SMARCAL1: variants seen among roughly 807,000 people sequenced by gnomAD.
SMARCAL1 encodes the protein ATP-driven annealing helicase.
Under a neutral mutation model 94.5 loss-of-function variants are expected in SMARCAL1, and 58 were observed. The ratio of observed to expected loss-of-function variants is 0.61; its 90% confidence interval spans 0.50 to 0.76. The LOEUF is 0.76. SMARCAL1 is among the 30% of genes least tolerant of loss of function. The pLI is 0.00. For synonymous variants in SMARCAL1, 422 were observed against 455.1 expected (o/e 0.93, Z 0.93); for missense variants, 1,051 against 1,177.9 (o/e 0.89, Z 1.58).
intron 9 of SMARCAL1, among the ~76,000 whole-genome samples, chr2:216,438,158 C>T (rs1262032048): frequency 1.3e-5 from 2 of 152,136 alleles, no homozygotes; most frequent in Admixed American, 6.5e-5. Context: ...CTGAGGTGGG[C>T]GGAGCAGGGA....
chr2:216,458,546 A>G (rs1184171876), intron 12 of SMARCAL1, among the ~76,000 whole-genome samples: 2 of 152,198 alleles, frequency 1.3e-5, no homozygotes, highest in Non-Finnish European at 2.9e-5. Context: ...ATCAATAAAC[A>G]TAATCCAGCA....
In SMARCAL1 at chr2:216,420,299, T is replaced by C; in HGVS notation, c.863T>C (p.Met288Thr). ...NFSMNDYSAL[M>T]KAAQSLPTVN... Reference sequence around the variant, plus strand: ...CTGTTCGATTCTTCTTCTTTGGCAGTGAAAGCAGCCCAGAGCCTCCCCACG... The same window carrying C: ...CTGTTCGATTCTTCTTCTTTGGCAGCGAAAGCAGCCCAGAGCCTCCCCACG... The change falls in exon 5 of 18, where the codon ATG (methionine) becomes ACG (threonine). Residue 288 changes from methionine (M) to threonine (T), a missense_variant and splice_region_variant. Physicochemically the swap from Met to Thr is moderately conservative, Grantham distance 81. Coordinates refer to ENST00000357276, the MANE Select transcript of SMARCAL1 (RefSeq NM_014140.4). The C allele has an allele frequency of 6.2e-7, 1 of 1,613,276 alleles. No homozygotes were observed. Among genetic ancestry groups the C allele is most frequent in the Non-Finnish European group, 8.5e-7 (1 of 1,179,388 alleles).
rs967594562 is a variant in SMARCAL1 at position 216,475,092 on chromosome 2, G to T, written c.2245-177G>T. On this transcript the variant is annotated intron_variant, in intron 14 of 17. Coordinates refer to ENST00000357276, the MANE Select transcript of SMARCAL1 (RefSeq NM_014140.4). This position sits in a 1 kb window ranked among gnomAD's most constrained non-coding sequence, Gnocchi z 4.4. The stretch of plus-strand genomic sequence containing the variant: ...GGGATCTCTATTATTTCTTACAATG[G>T]CACCTGAGTATAAGCAGTCATCTCA... 6.6e-6 allele frequency among the ~76,000 whole-genome samples: 1 copy of T among 152,224 alleles called. No individual in the cohort carries two copies. The highest frequency in any genetic ancestry group is 1.5e-5 in the Non-Finnish European group (1 of 68,032).
chr2:216,461,915 C>T (rs933015142), intron 12 of SMARCAL1, among the ~76,000 whole-genome samples: 2 of 151,968 alleles, frequency 1.3e-5, no homozygotes, highest in Admixed American at 1.3e-4. Context: ...TTTTGTTGGG[C>T]CTTTAAGTTA....
At chr2:216,457,019 C>CA (rs1326920894) in intron 12 of SMARCAL1, among the ~76,000 whole-genome samples, 1 of 151,812 alleles carries the variant, frequency 6.6e-6, no homozygotes, top group African/African-American at 2.4e-5. Context: ...AAATAGAAAA[C>CA]AAAAAAAGGC....
intron 9 of SMARCAL1, 58 bp downstream of exon 9, chr2:216,435,554 A>C: frequency 6.8e-7 from 1 of 1,465,690 alleles, no homozygotes; most frequent in Non-Finnish European, 9.5e-7. Context: ...TTCTTTGTAA[A>C]AGCTCTGAGA....
rs911296401 is a variant in SMARCAL1 at position 216,423,620 on chromosome 2, C to A, written c.1097-13C>A. ...GGGTGTCCTATTTGCTTATTTATTT[C>A]TTGTCATTGCAGATGTCAAGACCAG... On this transcript the variant is annotated splice_polypyrimidine_tract_variant and intron_variant, in intron 5 of 17. Coordinates refer to ENST00000357276, the MANE Select transcript of SMARCAL1 (RefSeq NM_014140.4). The A allele has an allele frequency of 1.2e-6, 2 of 1,611,994 alleles. No individual in the cohort carries two copies. Among genetic ancestry groups the A allele is most frequent in the Admixed American group, 1.7e-5 (1 of 60,028 alleles).
rs1185258179 is a variant in SMARCAL1 at position 216,414,698 on chromosome 2, T to C, written c.-7T>C. 6.2e-7 allele frequency: 1 copy of C among 1,613,368 alleles called. No individual in the cohort carries two copies. Among genetic ancestry groups the C allele is most frequent in the Non-Finnish European group, 8.5e-7 (1 of 1,179,404 alleles). On this transcript the variant is annotated 5_prime_UTR_variant, in exon 3 of 18. Transcript: ENST00000357276. ...TGACATTCCTGCATAAGCATTTCTC[T>C]GTGAAAATGTCCTTGCCTCTTACAG...
In SMARCAL1 at chr2:216,478,199, A is replaced by T; in HGVS notation, c.2529-4A>T. 6.2e-7 allele frequency: 1 copy of T among 1,613,838 alleles called. No individual in the cohort carries two copies. Among genetic ancestry groups the T allele is most frequent in the Non-Finnish European group, 8.5e-7 (1 of 1,179,698 alleles). ...ATTCACTGCAGCTCATTTCTCCCCAACAGGCCCCTGATTCAAGAGAAGATT... is the reference window on the plus strand; with the variant it reads ...ATTCACTGCAGCTCATTTCTCCCCATCAGGCCCCTGATTCAAGAGAAGATT... On this transcript the variant is annotated splice_polypyrimidine_tract_variant and splice_region_variant and intron_variant, in intron 16 of 17. Transcript: ENST00000357276.
chr2:216,463,219 G>C (rs1379472050), intron 12 of SMARCAL1, among the ~76,000 whole-genome samples: 1 of 152,190 alleles, frequency 6.6e-6, no homozygotes, highest in Non-Finnish European at 1.5e-5. Context: ...GAAGGGGGGT[G>C]CACCTGTACT....
chr2:216,473,553 T>A (rs541856453), intron 14 of SMARCAL1, among the ~76,000 whole-genome samples: 5 of 152,116 alleles, frequency 3.3e-5, no homozygotes, highest in Non-Finnish European at 7.3e-5. Flanking sequence ...TGTTGCTGCA[T>A]AATGACAAAG....
chr2:216,423,880 G>GC (rs1693777367), intron 6 of SMARCAL1, among the ~76,000 whole-genome samples, 197 bp downstream of exon 6: 3 of 152,188 alleles, frequency 2.0e-5, no homozygotes, highest in African/African-American at 7.2e-5. Flanking sequence ...CCAGACAAAT[G>GC]CCGGGCCTCT....
rs971575227 is a variant in SMARCAL1 at position 216,475,771 on chromosome 2, C to G, written c.2427+320C>G. On this transcript the variant is annotated intron_variant, in intron 15 of 17. Coordinates refer to ENST00000357276, the MANE Select transcript of SMARCAL1 (RefSeq NM_014140.4). This position sits in a 1 kb window ranked among gnomAD's most constrained non-coding sequence, Gnocchi z 4.4. ...CTAGGATTACAGGTGTGAGCCACCACGCCAGGCGATTGGCTGTTTTCTAGA... is the reference window on the plus strand; with the variant it reads ...CTAGGATTACAGGTGTGAGCCACCAGGCCAGGCGATTGGCTGTTTTCTAGA... Among the ~76,000 whole-genome samples the G allele has an allele frequency of 2.0e-5, 3 of 152,072 alleles. No homozygotes were observed. Among genetic ancestry groups the G allele is most frequent in the Non-Finnish European group, 2.9e-5 (2 of 68,020 alleles).
chr2:216,429,539 T>C (rs1399970159), intron 7 of SMARCAL1, among the ~76,000 whole-genome samples: 1 of 152,190 alleles, frequency 6.6e-6, no homozygotes, highest in Non-Finnish European at 1.5e-5. Context: ...CTTAAAAATA[T>C]GGGAGTTCAA....
At position 216,414,701 on chromosome 2, in the gene SMARCAL1, G is replaced by A. The variant is rs778292178; in HGVS notation, c.-4G>A. 2 of 1,613,698 alleles carry A rather than the reference G, an allele frequency of 1.2e-6. No homozygotes were observed. Among genetic ancestry groups the A allele is most frequent in the Non-Finnish European group, 1.7e-6 (2 of 1,179,756 alleles). On this transcript the variant is annotated 5_prime_UTR_variant, in exon 3 of 18. Coordinates refer to ENST00000357276, the MANE Select transcript of SMARCAL1 (RefSeq NM_014140.4). Reference sequence around the variant, plus strand: ...CATTCCTGCATAAGCATTTCTCTGTGAAAATGTCCTTGCCTCTTACAGAGG... The same window carrying A: ...CATTCCTGCATAAGCATTTCTCTGTAAAAATGTCCTTGCCTCTTACAGAGG...
chr2:216,431,836 G>T (rs1343133385), intron 7 of SMARCAL1, among the ~76,000 whole-genome samples: 2 of 152,156 alleles, frequency 1.3e-5, no homozygotes, highest in Non-Finnish European at 2.9e-5. Flanking sequence ...GAAAAACTCA[G>T]TGCTGAGGTT....
intron 17 of SMARCAL1, among the ~76,000 whole-genome samples, chr2:216,481,145 C>A (rs996580006): frequency 6.6e-6 from 1 of 152,062 alleles, no homozygotes; most frequent in African/African-American, 2.4e-5. Flanking sequence ...AGAGAAGCTG[C>A]TTTGAGAATA....
chr2:216,460,470 A>C (rs1433715951), intron 12 of SMARCAL1, among the ~76,000 whole-genome samples: 3 of 152,172 alleles, frequency 2.0e-5, no homozygotes, highest in African/African-American at 7.2e-5. Context: ...GATTAAGAAA[A>C]TGTGGCACAT....
At chr2:216,435,947 C>G (rs1454480713) in intron 9 of SMARCAL1, among the ~76,000 whole-genome samples, 1 of 152,120 alleles carries the variant, frequency 6.6e-6, no homozygotes, top group African/African-American at 2.4e-5. Flanking sequence ...ACTTTTTACT[C>G]TAACTGTTTT....
Sources: allele counts gnomAD v4.1 joint callset (sites outside exome capture counted in the v4.1 genomes callset), GRCh38; gene constraint gnomAD v4.1.1; non-coding constraint Gnocchi (gnomAD v3.1); transcripts MANE v1.5; gene names NCBI Gene and HGNC (gene_info 2026-07-23, HGNC 2026-07-21).